Variants in PPM1H observed in about 807,000 individuals in gnomAD.
PPM1H encodes the protein protein phosphatase 1H.
Under a neutral mutation model 54.9 loss-of-function variants are expected in PPM1H, and 27 were observed. The observed-to-expected ratio is 0.49, with a 90% confidence interval of 0.36 to 0.68. PPM1H has a LOEUF of 0.68. Ranked by LOEUF, PPM1H falls within the 30% of genes least tolerant of loss-of-function variation. PPM1H has a pLI of 0.00. For missense variants in PPM1H, 596 were observed against 667.8 expected, an observed-to-expected ratio of 0.89 and a Z score of 1.19; for synonymous variants, 305 against 270.8, an observed-to-expected ratio of 1.13 and a Z score of -1.24.
At chr12:62,713,980 A>C (rs1011598652) in intron 6 of PPM1H, among the ~76,000 whole-genome samples, 3 of 151,962 alleles carry the variant, frequency 2.0e-5, no homozygotes, top group Admixed American at 6.6e-5. Context: ...AAAAAAACAA[A>C]AAAAACAAAC....
At chr12:62,853,912 G>T (rs1592636841) in intron 1 of PPM1H, among the ~76,000 whole-genome samples, 1 of 152,290 alleles carries the variant, frequency 6.6e-6, no homozygotes, top group East Asian at 1.9e-4. Flanking sequence ...GGTAGGTAGG[G>T]ATGAAGAATA....
At chr12:62,894,730 C>A (rs939422746) in intron 1 of PPM1H, among the ~76,000 whole-genome samples, 1 of 152,168 alleles carries the variant, frequency 6.6e-6, no homozygotes, top group Non-Finnish European at 1.5e-5. Flanking sequence ...ATTTGAAAGG[C>A]TTATTCATAA....
chr12:62,927,952 T>A (rs1056657671), intron 1 of PPM1H, among the ~76,000 whole-genome samples: 3 of 152,204 alleles, frequency 2.0e-5, no homozygotes, highest in Admixed American at 1.3e-4. Flanking sequence ...ATGTTTTAAG[T>A]ATTTCATTAG....
At chr12:62,663,966 T>C (rs1174443628) in intron 9 of PPM1H, among the ~76,000 whole-genome samples, 1 of 148,366 alleles carries the variant, frequency 6.7e-6, no homozygotes, top group Non-Finnish European at 1.5e-5. Context: ...CACTCCAGCC[T>C]GGGCAACAAG....
intron 9 of PPM1H, among the ~76,000 whole-genome samples, chr12:62,664,283 A>G (rs1294410180): frequency 6.6e-6 from 1 of 152,224 alleles, no homozygotes; most frequent in Non-Finnish European, 1.5e-5. Flanking sequence ...TTATTAAATT[A>G]GAAAAAAAGG....
chr12:62,752,412 C>T (rs1307721894), intron 4 of PPM1H, among the ~76,000 whole-genome samples: 2 of 152,142 alleles, frequency 1.3e-5, no homozygotes. Flanking sequence ...GGTTATCTCA[C>T]ATTTTATCAT....
intron 4 of PPM1H, chr12:62,756,147 G>A (rs2076472966): frequency 1.2e-6 from 1 of 845,138 alleles, no homozygotes; most frequent in South Asian, 1.3e-5. Flanking sequence ...CGACCACTTT[G>A]TCAAGCTCAT....
chr12:62,774,233 T>C (rs929936409), intron 4 of PPM1H, among the ~76,000 whole-genome samples: 4 of 152,230 alleles, frequency 2.6e-5, no homozygotes, highest in African/African-American at 9.6e-5. Flanking sequence ...CCAACTGTTA[T>C]GCAGTTTGCT....
chr12:62,757,456 T>C (rs1409529759), intron 4 of PPM1H, among the ~76,000 whole-genome samples: 2 of 152,188 alleles, frequency 1.3e-5, no homozygotes, highest in African/African-American at 4.8e-5. Context: ...TATAGTTGCT[T>C]AGGGTTTAAC....
intron 1 of PPM1H, among the ~76,000 whole-genome samples, chr12:62,866,147 T>C (rs17098445): frequency 0.035 from 5,364 of 152,262 alleles, 338 homozygotes; most frequent in African/African-American, 0.12. Flanking sequence ...TGTGTCAAGC[T>C]GTTTTTTTAC....
At chr12:62,846,227 G>A (rs1054900387) in intron 1 of PPM1H, among the ~76,000 whole-genome samples, 44 of 152,252 alleles carry the variant, frequency 2.9e-4, no homozygotes, top group Admixed American at 2.0e-3. Context: ...GGCCAGGTGC[G>A]GTGGCTCACG....
At chr12:62,859,652 C>G (rs905844032) in intron 1 of PPM1H, among the ~76,000 whole-genome samples, 8 of 152,166 alleles carry the variant, frequency 5.3e-5, no homozygotes, top group Non-Finnish European at 1.0e-4. Context: ...GCAAAGCCTT[C>G]AAGGCTTTGC....
At chr12:62,764,216 C>A (rs1592586851) in intron 4 of PPM1H, among the ~76,000 whole-genome samples, 1 of 152,198 alleles carries the variant, frequency 6.6e-6, no homozygotes, top group African/African-American at 2.4e-5. Flanking sequence ...AGAGAGACCA[C>A]AGACTCTGGA....
At chr12:62,850,029 C>T (rs1040840466) in intron 1 of PPM1H, among the ~76,000 whole-genome samples, 1 of 152,138 alleles carries the variant, frequency 6.6e-6, no homozygotes, top group Non-Finnish European at 1.5e-5. Flanking sequence ...GGTGTGTGAT[C>T]ATGGCTCACT....
intron 2 of PPM1H, among the ~76,000 whole-genome samples, chr12:62,827,557 T>A (rs1225024697): frequency 1.3e-5 from 2 of 152,154 alleles, no homozygotes; most frequent in African/African-American, 2.4e-5. Flanking sequence ...CTTATTATGG[T>A]GTATGATGAC....
At chr12:62,723,640 T>G (rs2076275000) in intron 5 of PPM1H, among the ~76,000 whole-genome samples, 1 of 152,240 alleles carries the variant, frequency 6.6e-6, no homozygotes, top group Non-Finnish European at 1.5e-5. Context: ...TGTCTTGATC[T>G]TGGGGCTTCC....
At chr12:62,663,747 T>C (rs1592530480) in intron 9 of PPM1H, among the ~76,000 whole-genome samples, 2 of 152,226 alleles carry the variant, frequency 1.3e-5, no homozygotes, top group South Asian at 2.1e-4. Context: ...ATCCCAGCAC[T>C]TTGGGAGGCC....
chr12:62,677,548 C>G (rs994407351), intron 8 of PPM1H, among the ~76,000 whole-genome samples: 1 of 152,172 alleles, frequency 6.6e-6, no homozygotes, highest in African/African-American at 2.4e-5. Flanking sequence ...CTGGTTCAGC[C>G]GTGCTGGGGT....
At chr12:62,794,564 T>C (rs976722807) in intron 3 of PPM1H, among the ~76,000 whole-genome samples, 4 of 152,080 alleles carry the variant, frequency 2.6e-5, no homozygotes, top group Non-Finnish European at 5.9e-5. Context: ...TAAAAGGAAA[T>C]AGAACTCTGA....
Sources: allele counts gnomAD v4.1 joint callset (sites outside exome capture counted in the v4.1 genomes callset), GRCh38; gene constraint gnomAD v4.1.1; transcripts MANE v1.5; gene names NCBI Gene and HGNC (gene_info 2026-07-23, HGNC 2026-07-21).